Variants in ZNF804B observed in about 807,000 individuals in gnomAD.
ZNF804B encodes the protein zinc finger 804B.
In ZNF804B, 80 loss-of-function variants were observed where a neutral mutation model predicts 101.4. That is an observed-to-expected ratio of 0.79 (90% CI 0.66 to 0.95). ZNF804B has a LOEUF of 0.95. Among genes scored for constraint, ZNF804B ranks in the 40% least tolerant of loss-of-function variants. ZNF804B has a pLI of 0.00. For missense variants in ZNF804B, 1,673 were observed against 1,561.9 expected (o/e 1.07, Z -1.20); for synonymous variants, 622 against 558.8 (o/e 1.11, Z -1.59).
chr7:88,946,321 G>T (rs113459571), intron 1 of ZNF804B, among the ~76,000 whole-genome samples: 15,522 of 151,262 alleles, frequency 0.1, 862 homozygotes, highest in South Asian at 0.17. Context: ...GAATTTTATC[G>T]AAGGCCTTTT....
At chr7:88,854,541 T>TTCCTTC (rs1554340270) in intron 1 of ZNF804B, among the ~76,000 whole-genome samples, 1 of 88,650 alleles carries the variant, frequency 1.1e-5, no homozygotes, top group Non-Finnish European at 2.1e-5. Context: ...CTTCCTTCCT[T>TTCCTTC]CCTTCCTTCC....
chr7:88,953,149 AC>A (rs1212703940), intron 1 of ZNF804B, among the ~76,000 whole-genome samples: 1 of 151,522 alleles, frequency 6.6e-6, no homozygotes. Flanking sequence ...ACTTATGGAG[AC>A]CTAAAGGCCC....
intron 1 of ZNF804B, among the ~76,000 whole-genome samples, chr7:88,789,524 A>G (rs964880183): frequency 1.3e-5 from 2 of 152,134 alleles, no homozygotes; most frequent in Non-Finnish European, 2.9e-5. Context: ...GTGGAATAAG[A>G]GGAGTCAAAC....
At chr7:88,921,388 C>T (rs1278349645) in intron 1 of ZNF804B, among the ~76,000 whole-genome samples, 1 of 152,102 alleles carries the variant, frequency 6.6e-6, no homozygotes, top group African/African-American at 2.4e-5. Flanking sequence ...ATCAAATTCA[C>T]ATTTTTGGCC....
At chr7:89,110,074 A>G (rs1326972365) in intron 1 of ZNF804B, among the ~76,000 whole-genome samples, 1 of 152,164 alleles carries the variant, frequency 6.6e-6, no homozygotes, top group Non-Finnish European at 1.5e-5. Flanking sequence ...CAGTGATTCC[A>G]AAATAGAATT....
At chr7:88,891,682 A>T (rs1792217351) in intron 1 of ZNF804B, among the ~76,000 whole-genome samples, 2 of 140,324 alleles carry the variant, frequency 1.4e-5, no homozygotes, top group African/African-American at 2.6e-5. Flanking sequence ...TCCCCTTTTT[A>T]TTTTATTTCT....
intron 1 of ZNF804B, among the ~76,000 whole-genome samples, chr7:88,760,610 A>T (rs1297700001): frequency 6.6e-6 from 1 of 152,156 alleles, no homozygotes; most frequent in East Asian, 1.9e-4. Flanking sequence ...CTTTAAGGGG[A>T]AGTAAGAGAA....
rs1271848482 is a variant in ZNF804B, at chr7:89,325,134, A to G, written c.250-2210A>G. Among the ~76,000 whole-genome samples, 3 of 151,962 alleles carry G rather than the reference A, an allele frequency of 2.0e-5. No individual in the cohort carries two copies. The East Asian group carries it at 5.8e-4, about 29-fold the overall frequency. ...TGATTTTTTTTTCCTAAACTGGAAC[A>G]GTTTCCTCACAGAGATGCATTGTTC... On this transcript the variant is annotated intron_variant, in intron 2 of 3. Transcript: ENST00000333190.
intron 1 of ZNF804B, among the ~76,000 whole-genome samples, chr7:88,985,734 A>G (rs908328318): frequency 1.3e-5 from 2 of 152,142 alleles, no homozygotes; most frequent in Admixed American, 6.6e-5. Context: ...AGGATCAGAG[A>G]TACTGGAAGA....
intron 2 of ZNF804B, among the ~76,000 whole-genome samples, chr7:89,253,354 T>G (rs1262433850): frequency 6.6e-6 from 1 of 152,082 alleles, no homozygotes; most frequent in African/African-American, 2.4e-5. Flanking sequence ...CCTTGTTAAA[T>G]TAATAAAGAG....
At chr7:89,176,566 CT>C (rs1264419415) in intron 1 of ZNF804B, among the ~76,000 whole-genome samples, 2 of 52,298 alleles carry the variant, frequency 3.8e-5, no homozygotes, top group African/African-American at 7.9e-5. Context: ...TCTTTCTTTT[CT>C]TTTTTTTCTT....
intron 1 of ZNF804B, among the ~76,000 whole-genome samples, chr7:89,202,731 T>A (rs916837258): frequency 6.6e-6 from 1 of 151,940 alleles, no homozygotes; most frequent in Non-Finnish European, 1.5e-5. Flanking sequence ...AAGACAGGAG[T>A]CAGGACTTGA....
At chr7:88,902,136 A>G (rs1462478165) in intron 1 of ZNF804B, among the ~76,000 whole-genome samples, 2 of 152,006 alleles carry the variant, frequency 1.3e-5, no homozygotes, top group African/African-American at 4.8e-5. Flanking sequence ...TGGGGGACTC[A>G]CAAAGACTTT....
chr7:89,148,695 A>G (rs940184030), intron 1 of ZNF804B, among the ~76,000 whole-genome samples: 2 of 151,980 alleles, frequency 1.3e-5, no homozygotes, highest in African/African-American at 4.8e-5. Flanking sequence ...GTAGTCACTT[A>G]AGAGGTTTGT....
At chr7:88,955,546 A>T (rs1793292379) in intron 1 of ZNF804B, among the ~76,000 whole-genome samples, 3 of 151,716 alleles carry the variant, frequency 2.0e-5, no homozygotes, top group Admixed American at 1.3e-4. Flanking sequence ...TAGATTTTAA[A>T]TTTTTTCCTT....
chr7:88,970,223 A>G lies in ZNF804B; in HGVS notation c.108+210139A>G, dbSNP rs532607793. ...ATTTTATTTTGTTTTAAGTTCTGGG[A>G]TACATGTGCAGGATGTGCAGGCTTG... On this transcript the variant is annotated intron_variant, in intron 1 of 3. Transcript: ENST00000333190. Among the ~76,000 whole-genome samples, 7 of 151,640 alleles carry G rather than the reference A, an allele frequency of 4.6e-5. No homozygotes were observed. In the Admixed American group the frequency reaches 4.6e-4, roughly 10 times the overall value.
intron 1 of ZNF804B, among the ~76,000 whole-genome samples, chr7:89,207,313 G>A (rs1162285440): frequency 6.6e-6 from 1 of 152,216 alleles, no homozygotes; most frequent in Non-Finnish European, 1.5e-5. Context: ...TGGCTGGGGA[G>A]GCCTCACAAT....
intron 2 of ZNF804B, among the ~76,000 whole-genome samples, chr7:89,265,293 T>TGCGC (rs1554386387): frequency 8.3e-6 from 1 of 120,536 alleles, no homozygotes; most frequent in Non-Finnish European, 1.7e-5. Flanking sequence ...TGTGTGTGTG[T>TGCGC]GCGCGTGCGC....
intron 1 of ZNF804B, among the ~76,000 whole-genome samples, chr7:89,213,918 G>T (rs2115685487): frequency 6.6e-6 from 1 of 152,270 alleles, no homozygotes; most frequent in South Asian, 2.1e-4. Context: ...TAGTTCATGA[G>T]GAGTTAATGT....
Sources: allele counts gnomAD v4.1 joint callset (sites outside exome capture counted in the v4.1 genomes callset), GRCh38; gene constraint gnomAD v4.1.1; transcripts MANE v1.5; gene names NCBI Gene and HGNC (gene_info 2026-07-23, HGNC 2026-07-21).